CCDC83: variants seen among roughly 807,000 people sequenced by gnomAD.
CCDC83 encodes coiled-coil domain containing 83.
A neutral mutation model predicts 50.1 loss-of-function variants in CCDC83; 54 were observed. The ratio of observed to expected loss-of-function variants is 1.08; its 90% CI spans 0.87 to 1.35. The LOEUF (loss-of-function observed/expected upper bound fraction) is 1.35. Among genes scored for constraint, CCDC83 ranks in the 40% most tolerant of loss-of-function variants. The pLI is 0.00. For missense variants in CCDC83, 518 were observed against 473.9 expected (o/e 1.09, Z -0.86); for synonymous variants, 161 against 153.3 (o/e 1.05, Z -0.37).
At chr11:85,878,341 G>A (rs971360296) in intron 3 of CCDC83, among the ~76,000 whole-genome samples, 3 of 152,098 alleles carry the variant, frequency 2.0e-5, no homozygotes, top group African/African-American at 4.8e-5. Flanking sequence ...TCCCCTCCCA[G>A]TTCTGCCCCC....
Position 85,895,331 on chromosome 11 carries a change from A to T in CCDC83, c.550A>T (p.Ile184Leu). 1 of 1,570,190 alleles carries T rather than the reference A, an allele frequency of 6.4e-7. No homozygotes were observed. Among genetic ancestry groups the T allele is most frequent in the Non-Finnish European group, 8.7e-7 (1 of 1,148,892 alleles). Residue 184 changes from isoleucine (I) to leucine (L), a missense_variant, in exon 6 of 11, where the codon ATA becomes TTA. Physicochemically the swap from Ile to Leu is conservative, Grantham distance 5 (BLOSUM62 2). Transcript: ENST00000342404. ...KITLEDTRKK[I>L]IKETLLQLDQ... Reference sequence around the variant, plus strand: ...CACTCTGGAAGATACTAGAAAGAAAATAATCAAGGAAACTTTGTTGCAACT... The same window carrying T: ...CACTCTGGAAGATACTAGAAAGAAATTAATCAAGGAAACTTTGTTGCAACT...
intron 7 of CCDC83, among the ~76,000 whole-genome samples, chr11:85,900,256 A>G (rs1471523788): frequency 6.6e-6 from 1 of 152,154 alleles, no homozygotes; most frequent in Admixed American, 6.5e-5. Context: ...ACCCTCTACA[A>G]TTTCCCTCAC....
chr11:85,900,920 C>G (rs1053952428), intron 7 of CCDC83, among the ~76,000 whole-genome samples: 5 of 151,924 alleles, frequency 3.3e-5, no homozygotes, highest in African/African-American at 9.7e-5. Context: ...CAAAAGTTAG[C>G]TGGTCACGGT....
chr11:85,887,300 A>G (rs1397479961), intron 5 of CCDC83, among the ~76,000 whole-genome samples: 2 of 152,236 alleles, frequency 1.3e-5, no homozygotes, highest in Non-Finnish European at 2.9e-5. Flanking sequence ...ATCATAGGAC[A>G]GAATTAATGG....
chr11:85,902,699 T>G (rs1431798026), intron 7 of CCDC83, among the ~76,000 whole-genome samples: 1 of 152,144 alleles, frequency 6.6e-6, no homozygotes, highest in East Asian at 1.9e-4. Context: ...ACTTGGGAGT[T>G]AAGTCACCCC....
Position 85,917,209 on chromosome 11 carries a change from G to GA in CCDC83, c.1080+976_1080+977insA, listed in dbSNP as rs1565160173. On this transcript the variant is annotated intron_variant, in intron 10 of 10. Coordinates refer to ENST00000342404, the MANE Select transcript of CCDC83 (RefSeq NM_001286159.2). ...GAAAGAAAGAGAAAGAAAGAAAGAA[G>GA]GAAAGAAAGAAAGAAAGAAAGAAAA... Among the ~76,000 whole-genome samples the GA allele has an allele frequency of 3.6e-3, 343 of 94,220 alleles. 6 individuals are homozygous for GA. Among genetic ancestry groups the GA allele is most frequent in the East Asian group, 6.9e-3 (16 of 2,312 alleles). 61.8% of individuals were successfully genotyped at this position (94,220 alleles called of 152,430 possible). A position where few individuals can be genotyped will look rare whatever the true frequency, so the allele number is the denominator to read the frequency against.
Position 85,866,928 on chromosome 11 carries a change from G to A in CCDC83, c.95+1710G>A, listed in dbSNP as rs2093210760. ...ACTGAGAAAAGGGAGGGTGAGGGAG[G>A]CAGGGCAAGAGCAGATGCTGGTGAT... On this transcript the variant is annotated intron_variant, in intron 2 of 10. Transcript: ENST00000342404. Among the ~76,000 whole-genome samples the A allele has an allele frequency of 2.0e-5, 3 of 152,094 alleles. No individual in the cohort carries two copies. In the East Asian group the frequency reaches 5.8e-4, roughly 29 times the overall value.
chr11:85,901,679 A>G (rs1312734061), intron 7 of CCDC83, among the ~76,000 whole-genome samples: 1 of 151,926 alleles, frequency 6.6e-6, no homozygotes, highest in Non-Finnish European at 1.5e-5. Context: ...AGAGACATAG[A>G]GTACTAATGT....
chr11:85,887,703 T>A (rs916327522), intron 5 of CCDC83, among the ~76,000 whole-genome samples: 1 of 151,828 alleles, frequency 6.6e-6, no homozygotes, highest in Non-Finnish European at 1.5e-5. Context: ...ATAAATATGA[T>A]GTCTTACTTG....
chr11:85,905,634 A>G (rs547825098), intron 7 of CCDC83, among the ~76,000 whole-genome samples: 137 of 150,782 alleles, frequency 9.1e-4, no homozygotes, highest in African/African-American at 3.3e-3. Flanking sequence ...AAAAAAAGGT[A>G]TTAACAATTT....
At chr11:85,867,304 T>C (rs2093212793) in intron 2 of CCDC83, among the ~76,000 whole-genome samples, 1 of 152,158 alleles carries the variant, frequency 6.6e-6, no homozygotes, top group African/African-American at 2.4e-5. Context: ...AGTGCTGGGA[T>C]TTCAGGCATG....
chr11:85,899,220 G>T (rs1232948141), intron 7 of CCDC83, among the ~76,000 whole-genome samples: 3 of 152,090 alleles, frequency 2.0e-5, no homozygotes, highest in Non-Finnish European at 4.4e-5. Flanking sequence ...AAAAAATGTT[G>T]GGGTTTATAA....
chr11:85,860,995 GGAA>G (rs1259953210), intron 1 of CCDC83, among the ~76,000 whole-genome samples: 4 of 151,556 alleles, frequency 2.6e-5, no homozygotes, highest in African/African-American at 9.7e-5. Context: ...TAAATTGTGG[GGAA>G]AAAAAAAAGT....
intron 3 of CCDC83, 130 bp downstream of exon 3, chr11:85,873,425 A>C (rs1035524204): frequency 2.2e-6 from 1 of 450,092 alleles, no homozygotes; most frequent in African/African-American, 2.0e-5. Flanking sequence ...ATTGATTTAC[A>C]ATCTATTTAA....
rs1308934296 is a variant in CCDC83, at chr11:85,884,334, T to TGGAGCAGAAGG, written c.343+1666_343+1667insAAGGGGAGCAG. Reference sequence around the variant, plus strand: ...TAGTCCCTTGCAACTCATTTTGGTGTGGAGCAGCAGCAAGTGCTTCACCTA... The same window carrying TGGAGCAGAAGG: ...TAGTCCCTTGCAACTCATTTTGGTGTGGAGCAGAAGGGGAGCAGCAGCAAGTGCTTCACCTA... On this transcript the variant is annotated intron_variant, in intron 4 of 10. Transcript: ENST00000342404. Among the ~76,000 whole-genome samples, 3 of 152,192 alleles carry TGGAGCAGAAGG rather than the reference T, an allele frequency of 2.0e-5. No individual in the cohort carries two copies. In the East Asian group the frequency reaches 5.8e-4, roughly 29 times the overall value.
At chr11:85,880,387 C>T (rs969374448) in intron 3 of CCDC83, among the ~76,000 whole-genome samples, 4 of 152,158 alleles carry the variant, frequency 2.6e-5, no homozygotes, top group Middle Eastern at 3.4e-3. Context: ...TCTGGGCTCC[C>T]ACCTCAGCCT....
At chr11:85,896,989 A>G (rs2093378842) in intron 6 of CCDC83, among the ~76,000 whole-genome samples, 13 of 152,132 alleles carry the variant, frequency 8.5e-5, no homozygotes, top group Admixed American at 8.5e-4. Context: ...TATTTTTACT[A>G]ATTTACACAA....
intron 1 of CCDC83, among the ~76,000 whole-genome samples, chr11:85,856,123 C>G (rs1006805173): frequency 1.4e-5 from 2 of 146,862 alleles, no homozygotes; most frequent in African/African-American, 5.1e-5. Flanking sequence ...TAATTTTCTG[C>G]TGGGCAAGAG....
intron 3 of CCDC83, among the ~76,000 whole-genome samples, chr11:85,882,100 T>C (rs1439922986): frequency 6.6e-6 from 1 of 151,892 alleles, no homozygotes; most frequent in Admixed American, 6.6e-5. Flanking sequence ...CAGACCAGCA[T>C]AGCAACATAG....
Sources: allele counts gnomAD v4.1 joint callset (sites outside exome capture counted in the v4.1 genomes callset), GRCh38; gene constraint gnomAD v4.1.1; transcripts MANE v1.5; gene names NCBI Gene and HGNC (gene_info 2026-07-23, HGNC 2026-07-21).